The following RNF170 variants were observed in gnomAD, a reference collection of about 807,000 sequenced individuals.
The protein encoded by RNF170 is ring finger protein 170, also known as E3 ubiquitin-protein ligase RNF170.
In RNF170, 12 loss-of-function variants were observed where a neutral mutation model predicts 32.7. The observed-to-expected ratio is 0.37, with a 90% confidence interval of 0.24 to 0.60. The LOEUF is 0.60. Among genes scored for constraint, RNF170 ranks in the 20% least tolerant of loss-of-function variants. The pLI is 0.72. For synonymous variants in RNF170, 91 were observed against 103.6 expected, an observed-to-expected ratio of 0.88 and a Z score of 0.74; for missense variants, 212 against 311.2, an observed-to-expected ratio of 0.68 and a Z score of 2.40.
chr8:42,891,184 C>T (rs1487747100), intron 1 of RNF170, among the ~76,000 whole-genome samples: 1 of 152,184 alleles, frequency 6.6e-6, no homozygotes, highest in Non-Finnish European at 1.5e-5. Flanking sequence ...AATTCTGTTA[C>T]AACAACTGTG....
chr8:42,851,587 AAAAG>A (rs1167398124), downstream of RNF170, among the ~76,000 whole-genome samples: 7 of 152,034 alleles, frequency 4.6e-5, no homozygotes, highest in African/African-American at 9.6e-5. Flanking sequence ...AAAAGAAAGA[AAAAG>A]AAAGAACAAG....
At chr8:42,891,924 C>G (rs180683368) in intron 1 of RNF170, among the ~76,000 whole-genome samples, 7 of 152,180 alleles carry the variant, frequency 4.6e-5, no homozygotes, top group Admixed American at 2.6e-4. Flanking sequence ...AGTTTCAATT[C>G]TTTCAAGTAT....
chr8:42,852,513 G>T (rs185025595), downstream of RNF170, among the ~76,000 whole-genome samples: 14 of 152,076 alleles, frequency 9.2e-5, no homozygotes, highest in Non-Finnish European at 4.4e-5. Context: ...TGCCTTCCAG[G>T]TTCAAGCGAT....
At chr8:42,884,645 A>G (rs1401790619) in intron 2 of RNF170, among the ~76,000 whole-genome samples, 1 of 152,072 alleles carries the variant, frequency 6.6e-6, no homozygotes, top group African/African-American at 2.4e-5. Context: ...TAATTTTATA[A>G]AAGTAGCCTA....
upstream of RNF170, chr8:42,896,606 G>A (rs1000617718): frequency 4.4e-6 from 2 of 453,720 alleles, no homozygotes; most frequent in South Asian, 3.1e-5. Context: ...TTTGGAGTGC[G>A]GGTGCGGGCG....
intron 6 of RNF170, among the ~76,000 whole-genome samples, chr8:42,857,455 G>GA (rs1485258417): frequency 6.6e-6 from 1 of 152,172 alleles, no homozygotes; most frequent in Non-Finnish European, 1.5e-5. Context: ...CATGTCTTTT[G>GA]AATACCCTTC....
intron 3 of RNF170, among the ~76,000 whole-genome samples, chr8:42,872,993 C>G (rs950840525): frequency 1.3e-5 from 2 of 152,218 alleles, no homozygotes; most frequent in Admixed American, 1.3e-4. Context: ...CTCCCAGGCT[C>G]GAGAGATCCT....
chr8:42,854,486 G>A lies in RNF170; in HGVS notation c.*1673C>T, dbSNP rs539545155. 1 of 1,286,204 alleles carries A rather than the reference G, an allele frequency of 7.8e-7. No individual in the cohort carries two copies. The highest frequency in any genetic ancestry group is 5.5e-5 in the East Asian group (1 of 18,032). The allele number at this position is 1,286,204 out of a possible 1,614,324, so 79.7% of individuals were successfully genotyped here. On this transcript the variant is annotated 3_prime_UTR_variant, in exon 7 of 7. Coordinates refer to ENST00000527424, the MANE Select transcript of RNF170 (RefSeq NM_030954.4). ...CCAAAGGATAAAATGAAAAGTATGT[G>A]AGAAACCTGCTTTAATTATAATGTG...
downstream of RNF170, chr8:42,850,928 G>C (rs1450017626): frequency 7.1e-6 from 11 of 1,551,574 alleles, no homozygotes; most frequent in Non-Finnish European, 9.6e-6. Flanking sequence ...GGAGAGTTCT[G>C]TGTGTCCAGG....
chr8:42,886,884 T>C (rs1270880773), intron 2 of RNF170, among the ~76,000 whole-genome samples: 4 of 152,088 alleles, frequency 2.6e-5, no homozygotes, highest in Non-Finnish European at 4.4e-5. Context: ...CTGGGCATAG[T>C]GGCTCATGAG....
intron 3 of RNF170, 25 bp from the exon 4 acceptor site, chr8:42,870,137 T>C (rs561793850): frequency 2.2e-5 from 33 of 1,523,722 alleles, no homozygotes; most frequent in South Asian, 1.5e-4. Flanking sequence ...GGTGCACACA[T>C]TGGAACACAA....
chr8:42,849,955 G>C (rs1443333189), downstream of RNF170: 1 of 152,348 alleles, frequency 6.6e-6, no homozygotes, highest in Non-Finnish European at 1.5e-5. Flanking sequence ...GTTAGCCGGT[G>C]AGAGGTGCTC....
chr8:42,887,009 A>G (rs1428519213), intron 2 of RNF170, among the ~76,000 whole-genome samples: 7 of 151,782 alleles, frequency 4.6e-5, no homozygotes, highest in Non-Finnish European at 1.0e-4. Flanking sequence ...ACAAAAAATT[A>G]GGGCCAGGTG....
At chr8:42,860,307 T>A (rs960059965) in intron 6 of RNF170, among the ~76,000 whole-genome samples, 1 of 152,210 alleles carries the variant, frequency 6.6e-6, no homozygotes, top group Non-Finnish European at 1.5e-5. Flanking sequence ...CAAGAATGAG[T>A]CAGTAAAATG....
chr8:42,896,842 G>A (rs2130291233), upstream of RNF170: 1 of 236,836 alleles, frequency 4.2e-6, no homozygotes, highest in East Asian at 6.9e-5. Context: ...GCTCCAGCCA[G>A]GGCGGCGGCG....
At chr8:42,865,788 AG>A (rs1405867309) in intron 4 of RNF170, among the ~76,000 whole-genome samples, 1 of 152,204 alleles carries the variant, frequency 6.6e-6, no homozygotes, top group Non-Finnish European at 1.5e-5. Flanking sequence ...GTTTGAGACC[AG>A]GGTGGCCAAT....
chr8:42,896,758 GCGGCGGCGGCGGCGGCGGC>G (rs1225086299), upstream of RNF170: 15 of 144,492 alleles, frequency 1.0e-4, no homozygotes, highest in African/African-American at 3.8e-4. Context: ...AGCGGCGGCG[GCGGCGGCGGCGGCGGCGGC>G]GCGGCGGCGC....
At chr8:42,867,630 G>T (rs1041736117) in intron 4 of RNF170, among the ~76,000 whole-genome samples, 8 of 151,162 alleles carry the variant, frequency 5.3e-5, no homozygotes, top group African/African-American at 1.9e-4. Flanking sequence ...CAAAAAATTA[G>T]CCAGGTGTGG....
chr8:42,890,132 A>C (rs1335529040), intron 1 of RNF170, among the ~76,000 whole-genome samples: 5 of 151,936 alleles, frequency 3.3e-5, no homozygotes, highest in Admixed American at 1.3e-4. Context: ...TTTGTACTTA[A>C]AAAAATGCAT....
Sources: gnomAD v4.1 joint callset for allele counts (sites outside exome capture counted in the v4.1 genomes callset) on GRCh38, gnomAD v4.1.1 for gene constraint, MANE v1.5 for transcripts, NCBI Gene and HGNC (gene_info 2026-07-23, HGNC 2026-07-21) for gene names.